CHRNB1: variants seen among roughly 807,000 people sequenced by gnomAD.
CHRNB1 encodes the protein acetylcholine receptor subunit beta.
Under a neutral mutation model 53.8 loss-of-function variants are expected in CHRNB1, and 47 were observed. The ratio of observed to expected loss-of-function variants is 0.87; its 90% confidence interval spans 0.69 to 1.11. CHRNB1 has a LOEUF of 1.11. Ranked by LOEUF, CHRNB1 falls within the 50% of genes most tolerant of loss-of-function variation. CHRNB1 has a pLI of 0.00. For missense variants in CHRNB1, 605 were observed against 654.9 expected (o/e 0.92, Z 0.83); for synonymous variants, 259 against 263.5 (o/e 0.98, Z 0.16).
chr17:7,456,753 G>A lies in CHRNB1; in HGVS notation c.*30G>A. 6.2e-7 allele frequency: 1 copy of A among 1,614,020 alleles called. No individual in the cohort carries two copies. The highest frequency in any genetic ancestry group is 8.5e-7 in the Non-Finnish European group (1 of 1,179,974). On this transcript the variant is annotated 3_prime_UTR_variant, in exon 11 of 11. Transcript: ENST00000306071. ...TGGAGGGTTGAGACCCAGGCCCCCT[G>A]CCAGTTGAAGTGAGAGTTTGGTGAT...
chr17:7,455,854 T>C lies in CHRNB1; in HGVS notation c.1278T>C (p.Ala426=), dbSNP rs1286906725. 6.2e-7 allele frequency: 1 copy of C among 1,614,108 alleles called. No individual in the cohort carries two copies. Among genetic ancestry groups the C allele is most frequent in the African/African-American group, 1.3e-5 (1 of 75,016 alleles). ...GATTTATCGATGGTCCAAACCGGGC[T>C]GTGGCCCTGCTTCCGGAGCTACGGG... The part of the protein sequence containing the change: ...LRRFIDGPNR[A]VALLPELREV... Residue 426 remains alanine (A), a synonymous_variant, in exon 10 of 11, where the codon GCT becomes GCC. Transcript: ENST00000306071.
chr17:7,456,037 G>A, intron 10 of CHRNB1, 96 bp downstream of exon 10: 1 of 775,698 alleles, frequency 1.3e-6, no homozygotes, highest in Non-Finnish European at 1.9e-6. Flanking sequence ...TTTTTGTGTG[G>A]TTTTTTTTTG....
chr17:7,452,706 G>A (rs193301948), intron 7 of CHRNB1, among the ~76,000 whole-genome samples: 5 of 152,262 alleles, frequency 3.3e-5, no homozygotes, highest in East Asian at 1.9e-4. Context: ...TGCCTAATCC[G>A]TTGCTTAATC....
At chr17:7,452,590 A>G (rs1395406998) in intron 7 of CHRNB1, among the ~76,000 whole-genome samples, 1 of 152,204 alleles carries the variant, frequency 6.6e-6, no homozygotes, top group Non-Finnish European at 1.5e-5. Context: ...CATACTCACG[A>G]GTGTGCCATG....
chr17:7,456,615 A>G lies in CHRNB1; in HGVS notation c.1398A>G (p.Val466=), dbSNP rs200475597. ...LKEDWQFVAM[V]VDRLFLWTFI... ...AGGACTGGCAGTTTGTGGCCATGGT[A>G]GTGGACCGCCTCTTCCTGTGGACTT... Residue 466 remains valine (V), a synonymous_variant, in exon 11 of 11, where the codon GTA becomes GTG. Coordinates refer to ENST00000306071, the MANE Select transcript of CHRNB1 (RefSeq NM_000747.3). The G allele has an allele frequency of 6.2e-7, 1 of 1,614,068 alleles. No individual in the cohort carries two copies. Among genetic ancestry groups the G allele is most frequent in the East Asian group, 2.2e-5 (1 of 44,872 alleles).
At chr17:7,448,074 CAAAAAAAAAAAAA>C (rs71157286) in intron 6 of CHRNB1, among the ~76,000 whole-genome samples, 3 of 16,692 alleles carry the variant, frequency 1.8e-4, no homozygotes, top group South Asian at 5.6e-3. Context: ...AAGTTCGTCT[CAAAAAAAAAAAAA>C]AAAAAAAAAA....
chr17:7,447,351 C>T, intron 5 of CHRNB1, 152 bp from the exon 6 acceptor site: 5 of 944,676 alleles, frequency 5.3e-6, no homozygotes, highest in Non-Finnish European at 8.4e-6. Flanking sequence ...TCAGTGACCG[C>T]CCTCCCCATC....
At position 7,445,433 on chromosome 17, in the gene CHRNB1, G is replaced by T; in HGVS notation, c.198+24G>T. ...TGGTGAGGGCGCGCGGGGGGTGGAG[G>T]TCAGGCCAGCCGACCGGCCGGGGGC... On this transcript the variant is annotated intron_variant, in intron 2 of 10. Transcript: ENST00000306071. The surrounding 1 kb of genome is among the most constrained non-coding windows in gnomAD (Gnocchi z 5.7). 1 of 1,608,718 alleles carries T rather than the reference G, an allele frequency of 6.2e-7. No homozygotes were observed. Among genetic ancestry groups the T allele is most frequent in the East Asian group, 2.2e-5 (1 of 44,722 alleles).
rs1001872905 is a variant in CHRNB1 at position 7,446,413 on chromosome 17, G to A, written c.243+300G>A. The A allele has an allele frequency of 6.7e-5, 36 of 538,460 alleles. No homozygotes were observed. The African/African-American group carries it at 6.9e-4, about 10-fold the overall frequency. The allele number at this position is 538,460 out of a possible 1,614,324, so 33.4% of individuals were successfully genotyped here. A position where few individuals can be genotyped will look rare whatever the true frequency, so the allele number is the denominator to read the frequency against. ...TGTTGCACAGGCTGTTCTTGAATGC[G>A]GGGGCTCGAGCCATCCACCAGCCTC... is the stretch of plus-strand genomic sequence containing the variant. On this transcript the variant is annotated intron_variant, in intron 3 of 10. Transcript: ENST00000306071.
intron 7 of CHRNB1, among the ~76,000 whole-genome samples, chr17:7,451,607 C>T (rs920804423): frequency 4.0e-5 from 6 of 151,878 alleles, no homozygotes; most frequent in Admixed American, 3.3e-4. Context: ...GTTGGTCTTT[C>T]GGCCACCAAG....
At chr17:7,448,882 G>C (rs964250729) in intron 7 of CHRNB1, 94 bp downstream of exon 7, 2 of 1,359,284 alleles carry the variant, frequency 1.5e-6, no homozygotes, top group African/African-American at 2.9e-5. Flanking sequence ...CCAATCCAAA[G>C]CATCATAGAT....
rs780391043 is a variant in CHRNB1, at chr17:7,454,357, TG to T, written c.883del (p.Ala295LeufsTer66). On this transcript the variant is annotated frameshift_variant, in exon 8 of 11. Transcript: ENST00000306071. LOFTEE classifies it high-confidence loss of function. ...ACCCTTACTGTGTTCCTGCTGCTGCTGGCTGACAAAGTACCTGAGACCTCAC... is the reference window on the plus strand; with the variant it reads ...ACCCTTACTGTGTTCCTGCTGCTGCTGCTGACAAAGTACCTGAGACCTCAC... ...LLTLTVFLLL[L>X]ADKVPETSLS... The T allele has an allele frequency of 7.7e-5, 124 of 1,614,088 alleles. No homozygotes were observed. Among genetic ancestry groups the T allele is most frequent in the Non-Finnish European group, 1.0e-4 (120 of 1,180,038 alleles).
rs1908559523 is a variant in CHRNB1 at position 7,445,362 on chromosome 17, C to G, written c.151C>G (p.Arg51Gly). 1 of 1,612,864 alleles carries G rather than the reference C, an allele frequency of 6.2e-7. No individual in the cohort carries two copies. Residue 51 changes from arginine to glycine, a missense_variant, in exon 2 of 11, where the codon CGT becomes GGT. By Grantham distance (125) the Arg-to-Gly change is moderately radical (BLOSUM62 -2). Transcript: ENST00000306071. The surrounding 1 kb of genome is among the most constrained non-coding windows in gnomAD (Gnocchi z 5.7). ...SVRPAREVGDRVRVSVGLILA... is the reference protein window; with the variant it reads ...SVRPAREVGDGVRVSVGLILA... Reference sequence around the variant, plus strand: ...GCGGCCAGCGCGGGAGGTGGGAGACCGTGTCAGGGTCAGCGTTGGTCTCAT... The same window carrying G: ...GCGGCCAGCGCGGGAGGTGGGAGACGGTGTCAGGGTCAGCGTTGGTCTCAT...
Position 7,445,581 on chromosome 17 carries a change from C to T in CHRNB1, c.198+172C>T. On this transcript the variant is annotated intron_variant, in intron 2 of 10. Coordinates refer to ENST00000306071, the MANE Select transcript of CHRNB1 (RefSeq NM_000747.3). The surrounding 1 kb of genome is among the most constrained non-coding windows in gnomAD (Gnocchi z 5.7). ...AATCAGACCAATGGACAAGCTCTGG[C>T]CGTGGGTGGTGGACGGGCCTGGAGT... The T allele has an allele frequency of 6.7e-7, 1 of 1,483,266 alleles. No homozygotes were observed. Among genetic ancestry groups the T allele is most frequent in the Non-Finnish European group, 8.9e-7 (1 of 1,119,288 alleles). The allele number at this position is 1,483,266 out of a possible 1,614,324, so 91.9% of individuals were successfully genotyped here.
intron 7 of CHRNB1, among the ~76,000 whole-genome samples, chr17:7,450,733 G>T (rs1160656856): frequency 4.6e-5 from 7 of 152,202 alleles, no homozygotes; most frequent in Non-Finnish European, 1.0e-4. Context: ...GGATAAAGAG[G>T]CTGAAGGAGT....
rs754506936 is a variant in CHRNB1 at position 7,446,086 on chromosome 17, G to A, written c.216G>A (p.Glu72=). Residue 72 remains glutamate (E), a synonymous_variant, in exon 3 of 11, where the codon GAG becomes GAA. Transcript: ENST00000306071. ...CCTTCTAGAACGAGAAGGATGAAGA[G>A]ATGAGCACAAAGGTGTACTTAGACC... is the stretch of plus-strand genomic sequence containing the variant. ...QLISLNEKDE[E]MSTKVYLDLE... The A allele has an allele frequency of 6.2e-7, 1 of 1,613,956 alleles. No homozygotes were observed. Among genetic ancestry groups the A allele is most frequent in the Non-Finnish European group, 8.5e-7 (1 of 1,179,984 alleles).
chr17:7,446,023 C>T, intron 2 of CHRNB1, 46 bp from the exon 3 acceptor site: 1 of 1,586,968 alleles, frequency 6.3e-7, no homozygotes, highest in Admixed American at 1.7e-5. Flanking sequence ...CCCCTCATTT[C>T]TCTCCACCCT....
intron 6 of CHRNB1, among the ~76,000 whole-genome samples, 181 bp downstream of exon 6, chr17:7,447,831 A>G (rs1908708005): frequency 6.6e-6 from 1 of 152,108 alleles, no homozygotes; most frequent in South Asian, 2.1e-4. Flanking sequence ...CAATCCCAGT[A>G]CTTTGGGAAG....
At chr17:7,450,250 TCTC>T (rs1284127801) in intron 7 of CHRNB1, among the ~76,000 whole-genome samples, 1 of 151,620 alleles carries the variant, frequency 6.6e-6, no homozygotes, top group Non-Finnish European at 1.5e-5. Flanking sequence ...TTCAAGCGAT[TCTC>T]CTGCTTCAGC....
Sources: allele counts gnomAD v4.1 joint callset (sites outside exome capture counted in the v4.1 genomes callset), GRCh38; gene constraint gnomAD v4.1.1; non-coding constraint Gnocchi (gnomAD v3.1); transcripts MANE v1.5; gene names NCBI Gene and HGNC (gene_info 2026-07-23, HGNC 2026-07-21).